The following ASTN1 variants were observed in gnomAD, a reference collection of about 807,000 sequenced individuals.
ASTN1 encodes the protein astrotactin-1.
A neutral mutation model predicts 140.7 loss-of-function variants in ASTN1; 41 were observed. That is an observed-to-expected ratio of 0.29 (90% CI 0.23 to 0.38). The LOEUF (loss-of-function observed/expected upper bound fraction) is 0.38, where lower values mean the gene tolerates loss of function less well. Among genes scored for constraint, ASTN1 ranks in the 10% least tolerant of loss-of-function variants. The pLI is 1.00. For synonymous variants in ASTN1, 640 were observed against 652.2 expected, an observed-to-expected ratio of 0.98 and a Z score of 0.29; for missense variants, 1,479 against 1,678.8, an observed-to-expected ratio of 0.88 and a Z score of 2.08.
rs552938523 is a variant in ASTN1, at chr1:177,096,876, T to C, written c.284-35611A>G. Among the ~76,000 whole-genome samples, 362 of 152,190 alleles carry C rather than the reference T, an allele frequency of 2.4e-3. 1 individual carries two copies. Among genetic ancestry groups the C allele is most frequent in the Non-Finnish European group, 4.0e-3 (272 of 68,026 alleles). Reference sequence around the variant, plus strand: ...ATGAAAATGGACAAATACAATGCCCTTATAAAAGAGGCCCCAGTGAGCTGC... The same window carrying C: ...ATGAAAATGGACAAATACAATGCCCCTATAAAAGAGGCCCCAGTGAGCTGC... On this transcript the variant is annotated intron_variant, in intron 1 of 22. Transcript: ENST00000361833.
chr1:177,030,538 T>C (rs1676374449), intron 4 of ASTN1, among the ~76,000 whole-genome samples: 1 of 152,254 alleles, frequency 6.6e-6, no homozygotes, highest in Non-Finnish European at 1.5e-5. Flanking sequence ...GTTTAAACAA[T>C]GCTGTGATGA....
At chr1:177,077,278 C>T (rs1678963505) in intron 1 of ASTN1, among the ~76,000 whole-genome samples, 1 of 152,130 alleles carries the variant, frequency 6.6e-6, no homozygotes, top group Non-Finnish European at 1.5e-5. Context: ...TCTCCCACTG[C>T]TGCTCCAATT....
At chr1:176,937,063 G>C (rs1671481713) in intron 14 of ASTN1, among the ~76,000 whole-genome samples, 1 of 152,128 alleles carries the variant, frequency 6.6e-6, no homozygotes, top group South Asian at 2.1e-4. Flanking sequence ...AGGCCAGGCG[G>C]CAGTTCTTAC....
At chr1:177,126,716 G>A (rs1269244515) in intron 1 of ASTN1, among the ~76,000 whole-genome samples, 2 of 152,128 alleles carry the variant, frequency 1.3e-5, no homozygotes, top group Non-Finnish European at 2.9e-5. Flanking sequence ...TTATGATAAC[G>A]TGTCATCATG....
chr1:177,113,238 A>C (rs916674665), intron 1 of ASTN1, among the ~76,000 whole-genome samples: 1 of 152,154 alleles, frequency 6.6e-6, no homozygotes, highest in Non-Finnish European at 1.5e-5. Flanking sequence ...CAAACCAGGC[A>C]CAGACACCTA....
chr1:177,030,164 G>T (rs898077134), intron 4 of ASTN1, among the ~76,000 whole-genome samples: 1 of 152,164 alleles, frequency 6.6e-6, no homozygotes, highest in Non-Finnish European at 1.5e-5. Context: ...AAAAAAGACA[G>T]AATAGAATAA....
At chr1:177,157,679 C>T (rs969821910) in intron 1 of ASTN1, among the ~76,000 whole-genome samples, 4 of 152,172 alleles carry the variant, frequency 2.6e-5, no homozygotes, top group African/African-American at 9.6e-5. Flanking sequence ...GTATCAGGAA[C>T]TGCTAGAAGC....
intron 1 of ASTN1, among the ~76,000 whole-genome samples, chr1:177,063,573 T>C (rs868060695): frequency 8.5e-5 from 13 of 152,262 alleles, no homozygotes; most frequent in South Asian, 2.1e-4. Context: ...CCTGTGGGCA[T>C]GTCTGTGGGG....
In ASTN1 at chr1:177,002,119, C is replaced by T. The variant is rs543551450; in HGVS notation, c.1523+12672G>A. Among the ~76,000 whole-genome samples, 228 of 152,232 alleles carry T rather than the reference C, an allele frequency of 1.5e-3. 1 individual carries two copies. The highest frequency in any genetic ancestry group is 5.3e-3 in the African/African-American group (221 of 41,542). On this transcript the variant is annotated intron_variant, in intron 8 of 22. Coordinates refer to ENST00000361833, the MANE Select transcript of ASTN1 (RefSeq NM_004319.3). ...CAAGAGTCTTAAATCTAAAGGCCAA[C>T]ACCAATTGGCAACTCTGGTGTTGCC... is the stretch of plus-strand genomic sequence containing the variant.
intron 16 of ASTN1, among the ~76,000 whole-genome samples, chr1:176,913,803 T>C (rs1670359367): frequency 6.6e-6 from 1 of 152,218 alleles, no homozygotes; most frequent in African/African-American, 2.4e-5. Flanking sequence ...GAGAATGTTT[T>C]ACCTGAAACC....
At position 177,067,109 on chromosome 1, in the gene ASTN1, A is replaced by AG. The variant is rs529223574; in HGVS notation, c.284-5845dup. On this transcript the variant is annotated intron_variant, in intron 1 of 22. Transcript: ENST00000361833. ...CAAACCAAATCTAGTATGGTTTCTG[A>AG]GGGGGGGTTCACAGAGCAGAGTTAG... Among the ~76,000 whole-genome samples, 13 of 151,948 alleles carry AG rather than the reference A, an allele frequency of 8.6e-5. No individual in the cohort carries two copies. The East Asian group carries it at 1.5e-3, about 18-fold the overall frequency.
intron 21 of ASTN1, among the ~76,000 whole-genome samples, chr1:176,874,836 G>A (rs150869100): frequency 8.6e-4 from 131 of 152,082 alleles, no homozygotes; most frequent in Admixed American, 1.3e-3. Context: ...ACTGAGGCAC[G>A]GGGTGAAGTA....
chr1:177,014,983 T>C, intron 7 of ASTN1, 108 bp from the exon 8 acceptor site: 1 of 967,590 alleles, frequency 1.0e-6, no homozygotes, highest in Non-Finnish European at 1.6e-6. Context: ...CTTACTCTGA[T>C]ATTAGCATGA....
chr1:176,866,865 C>G (rs1364493018), intron 22 of ASTN1, among the ~76,000 whole-genome samples: 1 of 152,210 alleles, frequency 6.6e-6, no homozygotes, highest in African/African-American at 2.4e-5. Flanking sequence ...CCCTTTTCTA[C>G]TCATCTTCAC....
At chr1:176,909,584 C>T (rs150610151) in intron 16 of ASTN1, among the ~76,000 whole-genome samples, 3 of 152,102 alleles carry the variant, frequency 2.0e-5, no homozygotes, top group African/African-American at 7.2e-5. Flanking sequence ...CCAAGCCAAC[C>T]TTTTTTGTTA....
rs151268253 is a variant in ASTN1 at position 177,134,466 on chromosome 1, T to A, written c.283+29928A>T. On this transcript the variant is annotated intron_variant, in intron 1 of 22. Coordinates refer to ENST00000361833, the MANE Select transcript of ASTN1 (RefSeq NM_004319.3). ...AATCACAAGGTGTCTGGATTTTTAT[T>A]CTTGATGTTGGTCTGTTCCCCACCA... Among the ~76,000 whole-genome samples the A allele has an allele frequency of 2.7e-3, 415 of 152,302 alleles. 2 individuals carry two copies. Among genetic ancestry groups the A allele is most frequent in the Admixed American group, 0.013 (198 of 15,302 alleles).
intron 22 of ASTN1, 129 bp downstream of exon 22, chr1:176,868,715 A>T: frequency 1.0e-6 from 1 of 998,366 alleles, no homozygotes; most frequent in Non-Finnish European, 1.4e-6. Flanking sequence ...CTTAAATCAG[A>T]GGACTGACTT....
intron 8 of ASTN1, among the ~76,000 whole-genome samples, chr1:177,010,359 A>C (rs1675230286): frequency 6.6e-6 from 1 of 152,148 alleles, no homozygotes; most frequent in African/African-American, 2.4e-5. Flanking sequence ...CAGGGCTAAG[A>C]CCTGTCCACC....
intron 20 of ASTN1, among the ~76,000 whole-genome samples, chr1:176,881,498 T>G (rs978164657): frequency 6.6e-6 from 1 of 152,202 alleles, no homozygotes; most frequent in Non-Finnish European, 1.5e-5. Flanking sequence ...CTATAAATGA[T>G]AGTTCAAGTT....
Sources: allele counts gnomAD v4.1 joint callset (sites outside exome capture counted in the v4.1 genomes callset), GRCh38; gene constraint gnomAD v4.1.1; transcripts MANE v1.5; gene names NCBI Gene and HGNC (gene_info 2026-07-23, HGNC 2026-07-21).